The following DZIP1 variants were observed in gnomAD, a reference collection of about 807,000 sequenced individuals.
The protein encoded by DZIP1 is DAZ interacting zinc finger protein 1.
DZIP1 carries 97 observed loss-of-function variants against 107.6 expected under a neutral mutation model. The ratio of observed to expected loss-of-function variants is 0.90; its 90% CI spans 0.77 to 1.07. DZIP1 has a LOEUF of 1.07. DZIP1 is among the 50% of genes least tolerant of loss of function. DZIP1 has a pLI of 0.00. For synonymous variants in DZIP1, 390 were observed against 386.4 expected, an observed-to-expected ratio of 1.01 and a Z score of -0.11; for missense variants, 1,035 against 1,063.6, an observed-to-expected ratio of 0.97 and a Z score of 0.37.
intron 20 of DZIP1, among the ~76,000 whole-genome samples, chr13:95,586,507 T>A (rs1322283669): frequency 6.6e-6 from 1 of 152,108 alleles, no homozygotes; most frequent in Non-Finnish European, 1.5e-5. Context: ...GCCTAAAGTT[T>A]ACATTTTAAA....
At chr13:95,592,751 T>C (rs780846080) in intron 16 of DZIP1, among the ~76,000 whole-genome samples, 4 of 152,186 alleles carry the variant, frequency 2.6e-5, no homozygotes, top group Non-Finnish European at 5.9e-5. Context: ...AGAGATAAAC[T>C]GTAGTATATT....
rs1011181947 is a variant in DZIP1, at chr13:95,619,855, C to T, written c.1173+30G>A. On this transcript the variant is annotated intron_variant, in intron 10 of 22. Transcript: ENST00000376829. ...GCAAATATTTCTTTAAAAAATGGCC[C>T]ACTTTAGGCCACTGGTTTCTTAACC... 2.5e-6 allele frequency: 4 copies of T among 1,598,558 alleles called. No individual in the cohort carries two copies. In the African/African-American group the frequency reaches 4.0e-5, roughly 16 times the overall value.
At chr13:95,618,205 C>T (rs1289635401) in intron 10 of DZIP1, among the ~76,000 whole-genome samples, 2 of 152,190 alleles carry the variant, frequency 1.3e-5, no homozygotes, top group Non-Finnish European at 2.9e-5. Context: ...TAGCTGTAGC[C>T]TCACTCCTAC....
chr13:95,594,218 AT>A, intron 15 of DZIP1, 132 bp from the exon 16 acceptor site: 1 of 744,958 alleles, frequency 1.3e-6, no homozygotes, highest in Non-Finnish European at 2.1e-6. Flanking sequence ...GTTTTTGGAT[AT>A]TTTAGTCACT....
At chr13:95,633,678 CAAAAAAA>C (rs567298033) in intron 5 of DZIP1, among the ~76,000 whole-genome samples, 11 of 71,180 alleles carry the variant, frequency 1.5e-4, no homozygotes, top group Non-Finnish European at 2.0e-4. Context: ...GACTCCATCT[CAAAAAAA>C]AAAAAAAAAA....
At chr13:95,620,769 A>G (rs891157337) in intron 9 of DZIP1, among the ~76,000 whole-genome samples, 6 of 152,212 alleles carry the variant, frequency 3.9e-5, no homozygotes, top group Non-Finnish European at 7.4e-5. Flanking sequence ...TTCTGAGGCC[A>G]TGGGTTCTGA....
intron 15 of DZIP1, 42 bp from the exon 16 acceptor site, chr13:95,594,128 CA>C: frequency 6.7e-7 from 1 of 1,485,538 alleles, no homozygotes; most frequent in Non-Finnish European, 9.2e-7. Flanking sequence ...AAGAATTAAG[CA>C]AATACATCAA....
chr13:95,633,385 T>A, intron 5 of DZIP1, 64 bp from the exon 6 acceptor site: 1 of 1,403,078 alleles, frequency 7.1e-7, no homozygotes, highest in Non-Finnish European at 1.0e-6. Context: ...TAATTGCAAT[T>A]AAAATTCAGG....
intron 10 of DZIP1, among the ~76,000 whole-genome samples, chr13:95,613,434 C>T (rs964208914): frequency 6.6e-6 from 1 of 151,908 alleles, no homozygotes; most frequent in African/African-American, 2.4e-5. Flanking sequence ...AATTTTTGAA[C>T]CCCGGAGGCA....
At chr13:95,593,835 T>C in intron 16 of DZIP1, 109 bp downstream of exon 16, 1 of 1,366,106 alleles carries the variant, frequency 7.3e-7, no homozygotes. Context: ...GCCTCTGTTC[T>C]CCAAACATGG....
At position 95,641,418 on chromosome 13, in the gene DZIP1, C is replaced by G. The variant is rs778194335; in HGVS notation, c.474G>C (p.Gln158His). The G allele has an allele frequency of 6.2e-7, 1 of 1,614,054 alleles. No homozygotes were observed. The highest frequency in any genetic ancestry group is 8.5e-7 in the Non-Finnish European group (1 of 1,180,008). ...RLRLSHCDGE[Q>H]SKKLLTKQAG... ...CCTGCTTGGTGAGCAGCTTCTTGCT[C>G]TGCTCGCCGTCGCAGTGGCTCAGGC... Residue 158 changes from glutamine (Q) to histidine (H), a missense_variant, in exon 5 of 23, where the codon CAG (glutamine) becomes CAC (histidine). Physicochemically the swap from Gln to His is conservative, Grantham distance 24. Transcript: ENST00000376829. The surrounding 1 kb of genome is among the most constrained non-coding windows in gnomAD (Gnocchi z 4.3).
chr13:95,616,643 A>T (rs1025255276), intron 10 of DZIP1, among the ~76,000 whole-genome samples: 3 of 152,304 alleles, frequency 2.0e-5, no homozygotes, highest in Non-Finnish European at 4.4e-5. Context: ...ACTTGGATAG[A>T]GTGACATCAG....
At chr13:95,638,045 C>T (rs1217918557) in intron 5 of DZIP1, among the ~76,000 whole-genome samples, 8 of 149,022 alleles carry the variant, frequency 5.4e-5, no homozygotes, top group African/African-American at 2.0e-4. Flanking sequence ...AAACATTTTG[C>T]TATCTTGGAA....
intron 5 of DZIP1, among the ~76,000 whole-genome samples, chr13:95,639,489 G>A (rs1878221290): frequency 6.6e-6 from 1 of 151,610 alleles, no homozygotes; most frequent in South Asian, 2.1e-4. Flanking sequence ...TACTCAAGAA[G>A]CTGAGGTGGG....
In DZIP1 at chr13:95,637,666, G is replaced by A. The variant is rs370913928; in HGVS notation, c.597+3629C>T. On this transcript the variant is annotated intron_variant, in intron 5 of 22. Transcript: ENST00000376829. The stretch of plus-strand genomic sequence containing the variant: ...TCTCTCCAAACACAGAAAAGGCCAT[G>A]TGATGAGGACATAGCAAGAAGGTGG... 2.6e-5 allele frequency among the ~76,000 whole-genome samples: 4 copies of A among 151,674 alleles called. No individual in the cohort carries two copies. In the East Asian group the frequency reaches 7.7e-4, roughly 29 times the overall value.
rs1004130866 is a variant in DZIP1 at position 95,602,409 on chromosome 13, T to C, written c.1478-2985A>G. On this transcript the variant is annotated intron_variant, in intron 14 of 22. Coordinates refer to ENST00000376829, the MANE Select transcript of DZIP1 (RefSeq NM_198968.4). ...CCTGCCTGGATACCCATTTCATTTCTCAGTGGCTCTCACCTTGCACCATAA... is the reference window on the plus strand; with the variant it reads ...CCTGCCTGGATACCCATTTCATTTCCCAGTGGCTCTCACCTTGCACCATAA... Among the ~76,000 whole-genome samples, 10 of 152,192 alleles carry C rather than the reference T, an allele frequency of 6.6e-5. 1 individual carries two copies. Among genetic ancestry groups the C allele is most frequent in the Admixed American group, 6.5e-5 (1 of 15,288 alleles).
intron 15 of DZIP1, among the ~76,000 whole-genome samples, chr13:95,596,605 A>T (rs954857620): frequency 1.3e-5 from 2 of 152,194 alleles, no homozygotes; most frequent in African/African-American, 2.4e-5. Flanking sequence ...GAAAACCTGG[A>T]TGTTGTCACT....
chr13:95,582,546 T>C (rs566481730), intron 22 of DZIP1, among the ~76,000 whole-genome samples: 1 of 152,292 alleles, frequency 6.6e-6, no homozygotes, highest in East Asian at 1.9e-4. Context: ...TGCAAGCTTC[T>C]GCCCTGCAGC....
intron 15 of DZIP1, among the ~76,000 whole-genome samples, chr13:95,596,067 A>G (rs1212642198): frequency 6.6e-6 from 1 of 152,132 alleles, no homozygotes; most frequent in African/African-American, 2.4e-5. Flanking sequence ...CCATTTATGA[A>G]TAATTAGAGC....
Sources: gnomAD v4.1 joint callset for allele counts (sites outside exome capture counted in the v4.1 genomes callset) on GRCh38, gnomAD v4.1.1 for gene constraint, Gnocchi (gnomAD v3.1) non-coding constraint, MANE v1.5 for transcripts, NCBI Gene and HGNC (gene_info 2026-07-23, HGNC 2026-07-21) for gene names.